CPE: variants seen among roughly 807,000 people sequenced by gnomAD.
CPE encodes the protein carboxypeptidase E, also known as carbocypeptidase E.
In CPE, 17 loss-of-function variants were observed where a neutral mutation model predicts 53.5. The observed-to-expected ratio is 0.32, with a 90% CI of 0.22 to 0.48. The LOEUF is 0.48. Ranked by LOEUF, CPE falls within the 20% of genes least tolerant of loss-of-function variation. The pLI is 0.99. For synonymous variants in CPE, 226 were observed against 228.8 expected (o/e 0.99, Z 0.11); for missense variants, 524 against 614.7 (o/e 0.85, Z 1.56).
chr4:165,448,368 A>T (rs1262449151), intron 1 of CPE, among the ~76,000 whole-genome samples: 5 of 152,236 alleles, frequency 3.3e-5, no homozygotes, highest in Non-Finnish European at 7.3e-5. Context: ...ACATGCAAGA[A>T]CAATGTCTTC....
At chr4:165,430,348 A>G (rs11735607) in intron 1 of CPE, among the ~76,000 whole-genome samples, 44,932 of 152,088 alleles carry the variant, frequency 0.3, 6,727 homozygotes, top group Middle Eastern at 0.39. Flanking sequence ...AAAACAACAT[A>G]TGACAAAATA....
At chr4:165,441,502 A>T (rs1731608412) in intron 1 of CPE, among the ~76,000 whole-genome samples, 1 of 152,156 alleles carries the variant, frequency 6.6e-6, no homozygotes, top group African/African-American at 2.4e-5. Context: ...AGCCAGCTTC[A>T]TAGACTCGCT....
Position 165,419,843 on chromosome 4 carries a change from A to G in CPE, c.307+40315A>G, listed in dbSNP as rs1033943915. The stretch of plus-strand genomic sequence containing the variant: ...ATTTCAAAAATCAATCAACCAACCA[A>G]TCAACCCAGCCTTTATTGTATGGTG... On this transcript the variant is annotated intron_variant, in intron 1 of 8. Coordinates refer to ENST00000402744, the MANE Select transcript of CPE (RefSeq NM_001873.4). 2.6e-5 allele frequency among the ~76,000 whole-genome samples: 4 copies of G among 152,312 alleles called. No individual in the cohort carries two copies. In the East Asian group the frequency reaches 5.8e-4, roughly 22 times the overall value.
chr4:165,398,410 A>G (rs904174037), intron 1 of CPE, among the ~76,000 whole-genome samples: 1 of 152,334 alleles, frequency 6.6e-6, no homozygotes, highest in Non-Finnish European at 1.5e-5. Context: ...ATATAGGTAC[A>G]TATATACATA....
chr4:165,455,688 T>C (rs1222548854), intron 1 of CPE, among the ~76,000 whole-genome samples: 1 of 151,714 alleles, frequency 6.6e-6, no homozygotes, highest in Non-Finnish European at 1.5e-5. Context: ...AGTCTTGCAC[T>C]GTTGCCCAGG....
intron 1 of CPE, among the ~76,000 whole-genome samples, chr4:165,435,395 T>G (rs1489859954): frequency 6.6e-6 from 1 of 152,178 alleles, no homozygotes; most frequent in Non-Finnish European, 1.5e-5. Flanking sequence ...GAAGAAGAGA[T>G]GAAAGCTTGA....
intron 1 of CPE, among the ~76,000 whole-genome samples, chr4:165,390,959 T>C (rs908750447): frequency 6.6e-6 from 1 of 152,178 alleles, no homozygotes; most frequent in African/African-American, 2.4e-5. Context: ...CTGAGTATGC[T>C]TTTTAATATA....
intron 1 of CPE, among the ~76,000 whole-genome samples, chr4:165,402,261 A>T (rs964307123): frequency 1.3e-5 from 2 of 152,178 alleles, no homozygotes; most frequent in African/African-American, 4.8e-5. Flanking sequence ...ACCTCTTCAG[A>T]TCTTTGAAAG....
At chr4:165,384,376 C>T (rs1366602946) in intron 1 of CPE, among the ~76,000 whole-genome samples, 1 of 152,178 alleles carries the variant, frequency 6.6e-6, no homozygotes, top group Non-Finnish European at 1.5e-5. Flanking sequence ...TGGCTGGTGG[C>T]TCACACCTGG....
At chr4:165,426,976 G>T (rs2126677097) in intron 1 of CPE, among the ~76,000 whole-genome samples, 2 of 152,340 alleles carry the variant, frequency 1.3e-5, no homozygotes, top group East Asian at 3.9e-4. Flanking sequence ...ACCAGTGAGG[G>T]CTGGGAGTCT....
At chr4:165,486,209 G>T (rs369288620) in intron 5 of CPE, among the ~76,000 whole-genome samples, 23 of 70,150 alleles carry the variant, frequency 3.3e-4, no homozygotes, top group African/African-American at 8.7e-4. Context: ...GAAAAGGGGT[G>T]GGGGGGTAGC....
chr4:165,405,497 C>T, intron 1 of CPE: 1 of 904,388 alleles, frequency 1.1e-6, no homozygotes, highest in Non-Finnish European at 1.9e-6. Context: ...AGTCCGCTTT[C>T]ACACTTTTTC....
chr4:165,488,135 ATAGT>A (rs771506702), intron 6 of CPE, among the ~76,000 whole-genome samples: 104 of 152,288 alleles, frequency 6.8e-4, no homozygotes, highest in Non-Finnish European at 8.5e-4. Flanking sequence ...CTTTTATGTA[ATAGT>A]TAGTTCATTT....
chr4:165,415,094 T>G (rs1380068096), intron 1 of CPE: 5 of 166,502 alleles, frequency 3.0e-5, no homozygotes, highest in Admixed American at 6.5e-5. Flanking sequence ...CATAAATAGA[T>G]ATAATTAATG....
chr4:165,428,607 G>A (rs1218534011), intron 1 of CPE, among the ~76,000 whole-genome samples: 1 of 151,982 alleles, frequency 6.6e-6, no homozygotes, highest in Non-Finnish European at 1.5e-5. Context: ...CTAGAGACCG[G>A]AAGTTTGAAA....
chr4:165,446,346 A>C (rs1278042648), intron 1 of CPE, among the ~76,000 whole-genome samples: 1 of 152,238 alleles, frequency 6.6e-6, no homozygotes, highest in Non-Finnish European at 1.5e-5. Context: ...GTACTTATAC[A>C]ATGAGACTTA....
chr4:165,476,540 C>T (rs1429041027), intron 3 of CPE, among the ~76,000 whole-genome samples: 1 of 152,034 alleles, frequency 6.6e-6, no homozygotes, highest in Non-Finnish European at 1.5e-5. Flanking sequence ...CTCCTGAGAT[C>T]TTATTGGGAA....
At chr4:165,456,506 TTCTTTCTTTGTTTCTCTTTGTTTCTC>T (rs1731903732) in intron 1 of CPE, among the ~76,000 whole-genome samples, 1 of 151,634 alleles carries the variant, frequency 6.6e-6, no homozygotes, top group Non-Finnish European at 1.5e-5. Context: ...AATTTCATCT[TTCTTTCTTTGTTTCTCTTTGTTTCTC>T]TCTTTCTTTG....
chr4:165,410,675 T>C (rs1335424104), intron 1 of CPE, among the ~76,000 whole-genome samples: 1 of 152,202 alleles, frequency 6.6e-6, no homozygotes, highest in Non-Finnish European at 1.5e-5. Flanking sequence ...AAATGGAAGG[T>C]AGAATAATGT....
Sources: allele counts gnomAD v4.1 joint callset (sites outside exome capture counted in the v4.1 genomes callset), GRCh38; gene constraint gnomAD v4.1.1; transcripts MANE v1.5; gene names NCBI Gene and HGNC (gene_info 2026-07-23, HGNC 2026-07-21).